MIPOL1: variants seen among roughly 807,000 people sequenced by gnomAD.
MIPOL1 encodes the protein mirror-image polydactyly gene 1 protein.
MIPOL1 carries 57 observed loss-of-function variants against 60.9 expected under a neutral mutation model. That is an observed-to-expected ratio of 0.94 (90% CI 0.76 to 1.17). The LOEUF (loss-of-function observed/expected upper bound fraction) is 1.17, where lower values mean the gene tolerates loss of function less well. Ranked by LOEUF, MIPOL1 falls within the 50% of genes most tolerant of loss-of-function variation. The pLI is 0.00. For missense variants in MIPOL1, 551 were observed against 511.6 expected (o/e 1.08, Z -0.74); for synonymous variants, 179 against 168.8 (o/e 1.06, Z -0.47).
At chr14:37,507,715 G>C (rs1274503452) in intron 12 of MIPOL1, 8 of 152,168 alleles carry the variant, frequency 5.3e-5, no homozygotes, top group African/African-American at 1.9e-4. Flanking sequence ...TAGCAAACCT[G>C]CACATTGTGC....
chr14:37,424,824 A>G (rs1013250988), intron 11 of MIPOL1, among the ~76,000 whole-genome samples: 4 of 152,186 alleles, frequency 2.6e-5, no homozygotes, highest in African/African-American at 9.6e-5. Flanking sequence ...TGTCTTTTAC[A>G]CCAATGACTC....
intron 12 of MIPOL1, among the ~76,000 whole-genome samples, chr14:37,521,904 A>ATG (rs1423799600): frequency 0.068 from 1,840 of 26,930 alleles, 31 homozygotes; most frequent in East Asian, 0.17. Context: ...ATATATATAT[A>ATG]TATATATTTT....
chr14:37,357,820 C>T (rs2091947716), intron 9 of MIPOL1, among the ~76,000 whole-genome samples: 1 of 151,770 alleles, frequency 6.6e-6, no homozygotes, highest in South Asian at 2.1e-4. Context: ...GGGTATTGCT[C>T]AAGAAATATT....
intron 12 of MIPOL1, among the ~76,000 whole-genome samples, chr14:37,524,559 C>CTTTTTTTTTT: frequency 2.7e-4 from 5 of 18,500 alleles, no homozygotes; most frequent in African/African-American, 1.2e-3. Context: ...CTTAATTTTT[C>CTTTTTTTTTT]TTTTTCTTTT....
intron 11 of MIPOL1, among the ~76,000 whole-genome samples, chr14:37,457,996 C>G (rs2094495941): frequency 1.3e-5 from 2 of 151,616 alleles, no homozygotes; most frequent in Non-Finnish European, 2.9e-5. Context: ...AAAAGATATA[C>G]CATACAGATG....
At chr14:37,426,594 T>TATATATATATATATATACATAC (rs1447990257) in intron 11 of MIPOL1, among the ~76,000 whole-genome samples, 2 of 125,432 alleles carry the variant, frequency 1.6e-5, no homozygotes, top group African/African-American at 5.9e-5. Context: ...TATATATATA[T>TATATATATATATATATACATAC]ACACACACAC....
intron 7 of MIPOL1, among the ~76,000 whole-genome samples, chr14:37,286,430 A>C (rs1055544721): frequency 1.3e-5 from 2 of 152,230 alleles, no homozygotes; most frequent in African/African-American, 4.8e-5. Context: ...CAGATGTTAC[A>C]CATGATGCTA....
At chr14:37,316,062 T>C (rs1338469208) in intron 9 of MIPOL1, among the ~76,000 whole-genome samples, 1 of 151,936 alleles carries the variant, frequency 6.6e-6, no homozygotes, top group African/African-American at 2.4e-5. Flanking sequence ...AATCTTGCTC[T>C]GTTGCCCAAG....
chr14:37,227,054 ATTAGT>A (rs919603250), intron 1 of MIPOL1, among the ~76,000 whole-genome samples: 8 of 152,340 alleles, frequency 5.3e-5, no homozygotes, highest in African/African-American at 1.9e-4. Context: ...AGGCATATGT[ATTAGT>A]TTCCTACTGC....
intron 10 of MIPOL1, among the ~76,000 whole-genome samples, chr14:37,389,235 A>G (rs1027832270): frequency 2.6e-5 from 4 of 152,066 alleles, no homozygotes; most frequent in African/African-American, 9.7e-5. Flanking sequence ...GGTGGTAAAA[A>G]AAAACAAAAA....
At chr14:37,340,440 G>A (rs2090480239) in intron 9 of MIPOL1, among the ~76,000 whole-genome samples, 1 of 152,156 alleles carries the variant, frequency 6.6e-6, no homozygotes, top group African/African-American at 2.4e-5. Context: ...GCCAGGCACA[G>A]TGGCTTACTC....
rs192921360 is a variant in MIPOL1, at chr14:37,363,544, C to T, written c.829-5973C>T. On this transcript the variant is annotated intron_variant, in intron 9 of 12. Transcript: ENST00000684589. ...GCATCCACCTGTATGAGGTGTCTGT[C>T]GGCCCCAGTGGGAGGTGTCTTCCAG... 5.9e-5 allele frequency among the ~76,000 whole-genome samples: 9 copies of T among 152,256 alleles called. No homozygotes were observed. The East Asian group carries it at 1.4e-3, about 23-fold the overall frequency.
At chr14:37,419,077 C>T (rs2093823003) in intron 10 of MIPOL1, among the ~76,000 whole-genome samples, 1 of 151,872 alleles carries the variant, frequency 6.6e-6, no homozygotes, top group Admixed American at 6.6e-5. Context: ...TTAGTAATTG[C>T]CAAAGAACTA....
At chr14:37,244,074 T>C (rs1326232993) in intron 1 of MIPOL1, among the ~76,000 whole-genome samples, 1 of 150,828 alleles carries the variant, frequency 6.6e-6, no homozygotes, top group South Asian at 2.1e-4. Context: ...TATTATTTAT[T>C]TTTCTTTTCT....
intron 10 of MIPOL1, among the ~76,000 whole-genome samples, chr14:37,416,147 A>G (rs1404663330): frequency 6.6e-6 from 1 of 152,232 alleles, no homozygotes; most frequent in African/African-American, 2.4e-5. Context: ...TATTTAAAGT[A>G]TTATAAATTC....
At chr14:37,268,433 C>T (rs1048023966) in intron 4 of MIPOL1, among the ~76,000 whole-genome samples, 1 of 152,078 alleles carries the variant, frequency 6.6e-6, no homozygotes, top group African/African-American at 2.4e-5. Flanking sequence ...GTAAATAGAG[C>T]TGCACTGACT....
intron 11 of MIPOL1, among the ~76,000 whole-genome samples, chr14:37,447,829 C>G (rs571046323): frequency 6.6e-6 from 1 of 151,884 alleles, no homozygotes; most frequent in South Asian, 2.1e-4. Flanking sequence ...ATAGATGTAA[C>G]GTGACTTTTA....
chr14:37,247,895 A>G lies in MIPOL1; in HGVS notation c.7A>G (p.Asn3Asp), dbSNP rs1268051274. 1.9e-6 allele frequency: 3 copies of G among 1,613,296 alleles called. No homozygotes were observed. Among genetic ancestry groups the G allele is most frequent in the Non-Finnish European group, 2.5e-6 (3 of 1,179,492 alleles). The change falls in exon 3 of 13, where the codon AAC becomes GAC. Residue 3 changes from asparagine (N) to aspartate (D), a missense_variant. Physicochemically the swap from Asn to Asp is conservative, Grantham distance 23. Transcript: ENST00000684589. ME[N>D]WSKDITHSYL... ...AACAAGAACAGAAATACAAATGGAG[A>G]ACTGGTCAAAAGGTAAGGACTTTTA...
chr14:37,233,484 G>T (rs1970942567), intron 1 of MIPOL1, among the ~76,000 whole-genome samples: 1 of 152,168 alleles, frequency 6.6e-6, no homozygotes, highest in Non-Finnish European at 1.5e-5. Context: ...TGTTGGTAAT[G>T]ATACCAGCCA....
Sources: allele counts gnomAD v4.1 joint callset (sites outside exome capture counted in the v4.1 genomes callset), GRCh38; gene constraint gnomAD v4.1.1; transcripts MANE v1.5; gene names NCBI Gene and HGNC (gene_info 2026-07-23, HGNC 2026-07-21).